Variants in TMC2 observed in about 807,000 individuals in gnomAD.
The protein encoded by TMC2 is transmembrane channel like 2.
TMC2 carries 102 observed loss-of-function variants against 105.9 expected under a neutral mutation model. The ratio of observed to expected loss-of-function variants is 0.96; its 90% CI spans 0.82 to 1.14. The LOEUF (loss-of-function observed/expected upper bound fraction) is 1.14. Ranked by LOEUF, TMC2 falls within the 50% of genes most tolerant of loss-of-function variation. TMC2 has a pLI of 0.00. For synonymous variants in TMC2, 402 were observed against 422.8 expected (o/e 0.95, Z 0.60); for missense variants, 1,093 against 1,134.3 (o/e 0.96, Z 0.52).
rs932379876 is a variant in TMC2, at chr20:2,615,557, C to T, written c.1873-580C>T. ...CAGATTTTATGTTCTTTCAAATATTCGGACAAATCACGAAAACTGCAAATG... is the reference window on the plus strand; with the variant it reads ...CAGATTTTATGTTCTTTCAAATATTTGGACAAATCACGAAAACTGCAAATG... On this transcript the variant is annotated intron_variant, in intron 14 of 19. Transcript: ENST00000358864. Among the ~76,000 whole-genome samples the T allele has an allele frequency of 4.6e-5, 7 of 152,272 alleles. 1 individual carries two copies. The South Asian group carries it at 8.3e-4, about 18-fold the overall frequency.
At chr20:2,585,926 A>T (rs1265653149) in intron 7 of TMC2, among the ~76,000 whole-genome samples, 1 of 152,202 alleles carries the variant, frequency 6.6e-6, no homozygotes, top group Admixed American at 6.5e-5. Flanking sequence ...TTTATTCCTT[A>T]GTAGTGAGTC....
chr20:2,635,886 A>C, intron 17 of TMC2, 40 bp from the exon 18 acceptor site: 1 of 1,544,962 alleles, frequency 6.5e-7, no homozygotes, highest in Non-Finnish European at 9.0e-7. Context: ...ATCATCTGCC[A>C]AGATCACGGG....
intron 2 of TMC2, among the ~76,000 whole-genome samples, chr20:2,539,526 C>T (rs1244147984): frequency 3.9e-5 from 6 of 152,166 alleles, no homozygotes; most frequent in Non-Finnish European, 7.4e-5. Context: ...CAAACAATGA[C>T]GTTCCTATTC....
At position 2,641,435 on chromosome 20, in the gene TMC2, C is replaced by A; in HGVS notation, c.*84C>A. On this transcript the variant is annotated 3_prime_UTR_variant, in exon 20 of 20. Coordinates refer to ENST00000358864, the MANE Select transcript of TMC2 (RefSeq NM_080751.3). ...CACATACCAAACCAAGGTTCTCTCC[C>A]CTCTTTCCTCTCACATACATGCTCT... The A allele has an allele frequency of 1.3e-6, 1 of 788,742 alleles. No homozygotes were observed. 48.9% of individuals were successfully genotyped at this position (788,742 alleles called of 1,614,324 possible).
At chr20:2,549,078 G>C (rs1380090320) in intron 2 of TMC2, among the ~76,000 whole-genome samples, 1 of 151,992 alleles carries the variant, frequency 6.6e-6, no homozygotes, top group African/African-American at 2.4e-5. Flanking sequence ...TTGGTTTTTT[G>C]GTTTTGTATT....
chr20:2,634,065 T>C (rs1771883310), intron 17 of TMC2, among the ~76,000 whole-genome samples: 1 of 152,230 alleles, frequency 6.6e-6, no homozygotes, highest in Non-Finnish European at 1.5e-5. Context: ...TCCTTAGATG[T>C]ATCTGTTTGT....
In TMC2 at chr20:2,641,516, G is replaced by A. The variant is rs142862617; in HGVS notation, c.*165G>A. ...TTCCTTCAGGCCCTTGTCAGCTACC[G>A]AAGGAGGAAGACAGTGGCTTCACCT... On this transcript the variant is annotated 3_prime_UTR_variant, in exon 20 of 20. Coordinates refer to ENST00000358864, the MANE Select transcript of TMC2 (RefSeq NM_080751.3). 9.3e-4 allele frequency: 558 copies of A among 597,268 alleles called. 2 individuals are homozygous for A. The highest frequency in any genetic ancestry group is 8.7e-3 in the African/African-American group (472 of 53,970). The allele number at this position is 597,268 out of a possible 1,614,324, so 37.0% of individuals were successfully genotyped here. A position where few individuals can be genotyped will look rare whatever the true frequency, so the allele number is the denominator to read the frequency against.
chr20:2,546,712 G>A (rs1390817720), intron 2 of TMC2, among the ~76,000 whole-genome samples: 2 of 152,148 alleles, frequency 1.3e-5, no homozygotes, highest in African/African-American at 4.8e-5. Context: ...TTCTAAAATA[G>A]TTCTTTGTTG....
At chr20:2,597,741 G>T (rs2086319315) in intron 10 of TMC2, among the ~76,000 whole-genome samples, 1 of 151,374 alleles carries the variant, frequency 6.6e-6, no homozygotes, top group African/African-American at 2.4e-5. Flanking sequence ...CAAGTGATCT[G>T]CCCTCCTGCA....
At chr20:2,630,519 A>C (rs2086596051) in intron 17 of TMC2, among the ~76,000 whole-genome samples, 1 of 152,178 alleles carries the variant, frequency 6.6e-6, no homozygotes, top group African/African-American at 2.4e-5. Flanking sequence ...TTACCTTAAA[A>C]ATCTGAAGTG....
chr20:2,595,608 C>G (rs560496530), intron 9 of TMC2, among the ~76,000 whole-genome samples: 1 of 152,276 alleles, frequency 6.6e-6, no homozygotes, highest in East Asian at 1.9e-4. Context: ...GAAAACTTGG[C>G]CCAGCCCATG....
At position 2,616,986 on chromosome 20, in the gene TMC2, A is replaced by G; in HGVS notation, c.1941-86A>G. 1.3e-6 allele frequency: 2 copies of G among 1,535,238 alleles called. No homozygotes were observed. Among genetic ancestry groups the G allele is most frequent in the South Asian group, 1.2e-5 (1 of 84,384 alleles). ...AAAGCAGCTCGGCCTCATGCCCCTA[A>G]CCCATCCGTCCCATTTCCTTCTATC... On this transcript the variant is annotated intron_variant, in intron 15 of 19. Coordinates refer to ENST00000358864, the MANE Select transcript of TMC2 (RefSeq NM_080751.3). This position sits in a 1 kb window ranked among gnomAD's most constrained non-coding sequence, Gnocchi z 4.8.
intron 5 of TMC2, among the ~76,000 whole-genome samples, chr20:2,574,128 GT>G (rs1568510239): frequency 6.6e-6 from 1 of 152,012 alleles, no homozygotes; most frequent in African/African-American, 2.4e-5. Context: ...TCTAGTTGTT[GT>G]TTAGTAAGAC....
At chr20:2,541,895 TTTTCCGCCGTTTCCTAATTGC>T (rs2085892250) in intron 2 of TMC2, among the ~76,000 whole-genome samples, 1 of 55,020 alleles carries the variant, frequency 1.8e-5, no homozygotes, top group Admixed American at 2.2e-4. Context: ...TAAAACTGCA[TTTTCCGCCGTTTCCTAATTGC>T]ATTTCCCCAT....
chr20:2,589,468 G>T (rs2086254183), intron 7 of TMC2, among the ~76,000 whole-genome samples: 1 of 152,004 alleles, frequency 6.6e-6, no homozygotes, highest in South Asian at 2.1e-4. Flanking sequence ...CAAAGTTGCT[G>T]CATACTGTCT....
At chr20:2,611,886 G>GGGGATGGA (rs746229522) in intron 12 of TMC2, among the ~76,000 whole-genome samples, 1 of 87,438 alleles carries the variant, frequency 1.1e-5, no homozygotes, top group African/African-American at 4.4e-5. Flanking sequence ...GGGTGGGTGG[G>GGGGATGGA]TGGATGGATG....
chr20:2,579,470 G>A (rs9941777), intron 6 of TMC2, among the ~76,000 whole-genome samples: 21,610 of 151,202 alleles, frequency 0.14, 2,114 homozygotes, highest in African/African-American at 0.28. Flanking sequence ...TGCCCAGGCT[G>A]GAGTGCAGTG....
intron 5 of TMC2, among the ~76,000 whole-genome samples, chr20:2,576,411 A>G (rs2086144691): frequency 6.6e-6 from 1 of 152,096 alleles, no homozygotes. Context: ...CTCACTTTTC[A>G]GTCCGAGATA....
rs192424385 is a variant in TMC2, at chr20:2,561,711, C to T, written c.402-147C>T. ...CTGGGCTACAGGGTAGAATTTTGGC[C>T]TCCGCTGCCAGGCAATGGGAGTCAC... On this transcript the variant is annotated intron_variant, in intron 3 of 19. Coordinates refer to ENST00000358864, the MANE Select transcript of TMC2 (RefSeq NM_080751.3). 7.9e-4 allele frequency: 811 copies of T among 1,028,448 alleles called. 7 individuals are homozygous for T. In the African/African-American group the frequency reaches 0.011, roughly 15 times the overall value. 63.7% of individuals were successfully genotyped at this position (1,028,448 alleles called of 1,614,324 possible).
Sources: gnomAD v4.1 joint callset for allele counts (sites outside exome capture counted in the v4.1 genomes callset) on GRCh38, gnomAD v4.1.1 for gene constraint, Gnocchi (gnomAD v3.1) non-coding constraint, MANE v1.5 for transcripts, NCBI Gene and HGNC (gene_info 2026-07-23, HGNC 2026-07-21) for gene names.